The following VWA8 variants were observed in gnomAD, a reference collection of about 807,000 sequenced individuals.
The protein encoded by VWA8 is von Willebrand factor A domain containing 8.
VWA8 carries 221 observed loss-of-function variants against 241.5 expected under a neutral mutation model. That is an observed-to-expected ratio of 0.91 (90% CI 0.82 to 1.02). VWA8 has a LOEUF of 1.02. Among genes scored for constraint, VWA8 ranks in the 50% least tolerant of loss-of-function variants. The probability of loss-of-function intolerance (pLI) is 0.00; values close to 1 mark genes in which losing one functional copy is unlikely to be tolerated. For synonymous variants in VWA8, 852 were observed against 827.1 expected, an observed-to-expected ratio of 1.03 and a Z score of -0.52; for missense variants, 2,322 against 2,328.7, an observed-to-expected ratio of 1.00 and a Z score of 0.06.
intron 13 of VWA8, among the ~76,000 whole-genome samples, chr13:41,833,056 G>A (rs1029293610): frequency 6.6e-6 from 1 of 152,118 alleles, no homozygotes; most frequent in Non-Finnish European, 1.5e-5. Context: ...CTTCAGCAAT[G>A]TGACATGCTG....
At position 41,843,724 on chromosome 13, in the gene VWA8, A is replaced by C. The variant is rs116618058; in HGVS notation, c.1426-10193T>G. The stretch of plus-strand genomic sequence containing the variant: ...CTACTATGAACACCTCTCTGCACAC[A>C]ACTAGAAAATCTAGAGGAAATGGAT... On this transcript the variant is annotated intron_variant, in intron 12 of 44. Transcript: ENST00000379310. Among the ~76,000 whole-genome samples the C allele has an allele frequency of 2.6e-3, 389 of 151,778 alleles. 1 individual carries two copies. Among genetic ancestry groups the C allele is most frequent in the African/African-American group, 9.0e-3 (373 of 41,578 alleles).
At chr13:41,629,011 A>G (rs1408941497) in intron 37 of VWA8, among the ~76,000 whole-genome samples, 1 of 152,166 alleles carries the variant, frequency 6.6e-6, no homozygotes, top group Non-Finnish European at 1.5e-5. Flanking sequence ...ACTGCACTCC[A>G]GTCTGGCGAC....
At chr13:41,768,980 G>A (rs2045799240) in intron 20 of VWA8, among the ~76,000 whole-genome samples, 1 of 145,658 alleles carries the variant, frequency 6.9e-6, no homozygotes, top group South Asian at 2.2e-4. Context: ...TTGGCTCACC[G>A]CAACCTGCAC....
chr13:41,960,920 G>A lies in VWA8; in HGVS notation c.96C>T (p.Arg32=). The A allele has an allele frequency of 6.7e-7, 1 of 1,501,206 alleles. No individual in the cohort carries two copies. The highest frequency in any genetic ancestry group is 8.8e-7 in the Non-Finnish European group (1 of 1,132,222). The allele number at this position is 1,501,206 out of a possible 1,614,324, so 93.0% of individuals were successfully genotyped here. A position where few individuals can be genotyped will look rare whatever the true frequency, so the allele number is the denominator to read the frequency against. The change falls in exon 1 of 45, where the codon CGC becomes CGT. Residue 32 remains arginine (R), a synonymous_variant. Coordinates refer to ENST00000379310, the MANE Select transcript of VWA8 (RefSeq NM_015058.2). ...MRLLLRQVVQ[R]RPGGDRQRPE... ...GCCGCTGCCTGTCGCCACCCGGCCTGCGCTGCACCACCTGCCGCAGGAGCA... is the reference window on the plus strand; with the variant it reads ...GCCGCTGCCTGTCGCCACCCGGCCTACGCTGCACCACCTGCCGCAGGAGCA...
intron 2 of VWA8, chr13:41,926,165 C>A: frequency 1.6e-6 from 1 of 612,030 alleles, no homozygotes; most frequent in South Asian, 2.2e-5. Context: ...CTGGGAAAAC[C>A]AAGAAGGGTG....
intron 3 of VWA8, 83 bp downstream of exon 3, chr13:41,911,954 AT>A (rs1199088631): frequency 2.3e-6 from 3 of 1,307,982 alleles, no homozygotes; most frequent in Admixed American, 2.7e-5. Context: ...TAATTCTGAT[AT>A]TTTTTATAAA....
intron 27 of VWA8, among the ~76,000 whole-genome samples, chr13:41,702,410 A>G (rs1461958248): frequency 6.6e-6 from 1 of 152,186 alleles, no homozygotes; most frequent in Middle Eastern, 3.2e-3. Context: ...GAGATTTGGA[A>G]GGCAGAAAAG....
At position 41,685,178 on chromosome 13, in the gene VWA8, G is replaced by C; in HGVS notation, c.4196C>G (p.Thr1399Arg). The part of the protein sequence containing the change: ...SSLHKRSGTD[T>R]SFYRGKKKRG... The stretch of plus-strand genomic sequence containing the variant: ...TTTCTTCTTTCCTCTATAGAATGAT[G>C]TATCAGTGCCACTTCGTTTATGCAA... The change falls in exon 35 of 45, where the codon ACA becomes AGA. Residue 1399 changes from threonine (T) to arginine (R), a missense_variant. Transcript: ENST00000379310. 3 of 1,613,492 alleles carry C rather than the reference G, an allele frequency of 1.9e-6. No homozygotes were observed. Among genetic ancestry groups the C allele is most frequent in the Non-Finnish European group, 2.5e-6 (3 of 1,179,700 alleles).
rs1350218532 is a variant in VWA8, at chr13:41,675,254, T to G, written c.4370A>C (p.Asp1457Ala). The change falls in exon 36 of 45, where the codon GAT (aspartate) becomes GCT (alanine). Residue 1457 changes from aspartate to alanine, a missense_variant. Asp to Ala is a moderately radical substitution (Grantham distance 126). Transcript: ENST00000379310. ...ATATCGGAGTTTCTTTGATTGAAGA[T>G]CAGTGACTTCTATATAACCAGATGT... Reference protein sequence around the residue: ...PQTSGYIEVTDLQSKKLRYIP... With the variant: ...PQTSGYIEVTALQSKKLRYIP... 1 of 1,613,362 alleles carries G rather than the reference T, an allele frequency of 6.2e-7. No individual in the cohort carries two copies. Among genetic ancestry groups the G allele is most frequent in the East Asian group, 2.2e-5 (1 of 44,824 alleles).
Position 41,717,011 on chromosome 13 carries a change from G to C in VWA8, c.3116+2580C>G, listed in dbSNP as rs142611598. 1.7e-3 allele frequency among the ~76,000 whole-genome samples: 253 copies of C among 151,998 alleles called. 1 individual carries two copies. Among genetic ancestry groups the C allele is most frequent in the African/African-American group, 5.9e-3 (243 of 41,502 alleles). Reference sequence around the variant, plus strand: ...GGGGTGGAAAGGGGGAATGAAAAGTGTTAGTATCACATATTTTTATGTTTG... The same window carrying C: ...GGGGTGGAAAGGGGGAATGAAAAGTCTTAGTATCACATATTTTTATGTTTG... On this transcript the variant is annotated intron_variant, in intron 26 of 44. Transcript: ENST00000379310.
At chr13:41,800,064 T>C (rs933133906) in intron 17 of VWA8, among the ~76,000 whole-genome samples, 10 of 152,226 alleles carry the variant, frequency 6.6e-5, no homozygotes, top group Admixed American at 2.6e-4. Context: ...ATCTGGCTTC[T>C]TTCACTTAAC....
At chr13:41,910,587 A>G (rs1245619950) in intron 3 of VWA8, among the ~76,000 whole-genome samples, 1 of 151,684 alleles carries the variant, frequency 6.6e-6, no homozygotes, top group Non-Finnish European at 1.5e-5. Context: ...CCATCTCAAA[A>G]AAAACAAAAA....
At chr13:41,788,058 T>C (rs1218421464) in intron 17 of VWA8, among the ~76,000 whole-genome samples, 6 of 152,196 alleles carry the variant, frequency 3.9e-5, no homozygotes, top group Admixed American at 2.6e-4. Flanking sequence ...TATGTGTATG[T>C]TGTCAAAACA....
At position 41,729,535 on chromosome 13, in the gene VWA8, T is replaced by C. The variant is rs765489325; in HGVS notation, c.2638+7A>G. ...TTAAAGGAAACATTGCTTTCTAAAA[T>C]ACTCACTTGCAACAATGCGTCTTCC... On this transcript the variant is annotated splice_region_variant and intron_variant, in intron 23 of 44. Transcript: ENST00000379310. 1.2e-6 allele frequency: 2 copies of C among 1,606,932 alleles called. No homozygotes were observed. The highest frequency in any genetic ancestry group is 1.1e-5 in the South Asian group (1 of 89,110).
chr13:41,788,463 CAT>C (rs915646018), intron 17 of VWA8, among the ~76,000 whole-genome samples: 3 of 152,212 alleles, frequency 2.0e-5, no homozygotes, highest in African/African-American at 4.8e-5. Flanking sequence ...AATTCCAGTC[CAT>C]ATATCTGACA....
chr13:41,655,122 G>GACAGAGT (rs2044894784), intron 37 of VWA8, among the ~76,000 whole-genome samples: 1 of 147,910 alleles, frequency 6.8e-6, no homozygotes, highest in Non-Finnish European at 1.5e-5. Context: ...ACAGAGTCTC[G>GACAGAGT]CTCGTGGCCC....
intron 12 of VWA8, 36 bp from the exon 13 acceptor site, chr13:41,833,567 A>T: frequency 6.5e-7 from 1 of 1,548,928 alleles, no homozygotes. Flanking sequence ...AAAGAACATG[A>T]CGAATTAATT....
chr13:41,857,152 T>A (rs1270763365), intron 12 of VWA8, among the ~76,000 whole-genome samples: 6 of 152,304 alleles, frequency 3.9e-5, no homozygotes, highest in African/African-American at 1.2e-4. Flanking sequence ...AAATAAAGTA[T>A]AAGTGCTAAA....
chr13:41,852,408 T>C (rs1872563272), intron 12 of VWA8, among the ~76,000 whole-genome samples: 1 of 152,208 alleles, frequency 6.6e-6, no homozygotes, highest in Non-Finnish European at 1.5e-5. Flanking sequence ...TGTTGATTGT[T>C]GGCTTTGCTG....
Sources: allele counts gnomAD v4.1 joint callset (sites outside exome capture counted in the v4.1 genomes callset), GRCh38; gene constraint gnomAD v4.1.1; transcripts MANE v1.5; gene names NCBI Gene and HGNC (gene_info 2026-07-23, HGNC 2026-07-21).